The following RNF17 variants were observed in gnomAD, a reference collection of about 807,000 sequenced individuals.
The protein encoded by RNF17 is spermatogenesis associated 23.
In RNF17, 31 loss-of-function variants were observed where a neutral mutation model predicts 200.5. The ratio of observed to expected loss-of-function variants is 0.15; its 90% CI spans 0.12 to 0.21. RNF17 has a LOEUF of 0.21. Among genes scored for constraint, RNF17 ranks in the 10% least tolerant of loss-of-function variants. RNF17 has a pLI of 1.00. For missense variants in RNF17, 1,628 were observed against 1,905.1 expected, an observed-to-expected ratio of 0.85 and a Z score of 2.71; for synonymous variants, 606 against 637.8, an observed-to-expected ratio of 0.95 and a Z score of 0.75.
At chr13:24,846,260 G>A (rs1339729820) in intron 22 of RNF17, among the ~76,000 whole-genome samples, 1 of 152,094 alleles carries the variant, frequency 6.6e-6, no homozygotes, top group Non-Finnish European at 1.5e-5. Context: ...GAGCTAAATC[G>A]AACTAATATG....
At chr13:24,821,914 C>T (rs1407240475) in intron 15 of RNF17, among the ~76,000 whole-genome samples, 1 of 152,072 alleles carries the variant, frequency 6.6e-6, no homozygotes, top group African/African-American at 2.4e-5. Flanking sequence ...GTTAAGGACA[C>T]GGACACACAT....
intron 29 of RNF17, 87 bp from the exon 30 acceptor site, chr13:24,866,057 C>A: frequency 2.8e-6 from 2 of 726,526 alleles, no homozygotes; most frequent in Non-Finnish European, 4.8e-6. Flanking sequence ...CAAGGAAATG[C>A]ACCCAGTTTT....
At chr13:24,807,548 C>G in intron 15 of RNF17, among the ~76,000 whole-genome samples, 1 of 152,086 alleles carries the variant, frequency 6.6e-6, no homozygotes, top group East Asian at 1.9e-4. Context: ...GATACTAGCC[C>G]TTTGTCAGAT....
At chr13:24,796,988 C>T (rs1255862763) in intron 11 of RNF17, among the ~76,000 whole-genome samples, 1 of 152,118 alleles carries the variant, frequency 6.6e-6, no homozygotes, top group Non-Finnish European at 1.5e-5. Context: ...TAACTCTCAG[C>T]TCATCTGTGT....
Position 24,778,304 on chromosome 13 carries a change from T to G in RNF17, c.327T>G (p.Asn109Lys), listed in dbSNP as rs1202055627. The G allele has an allele frequency of 6.2e-7, 1 of 1,600,142 alleles. No individual in the cohort carries two copies. Among genetic ancestry groups the G allele is most frequent in the Non-Finnish European group, 8.6e-7 (1 of 1,168,122 alleles). The change falls in exon 4 of 36, where the codon AAT (asparagine) becomes AAG (lysine). Residue 109 changes from asparagine (N) to lysine (K), a missense_variant. Asn to Lys is a moderately conservative substitution (Grantham distance 94). Around this residue, in one of 5 missense-constraint regions of RNF17, gnomAD observed 502 missense variants for 501.7 expected, o/e 1.00. Coordinates refer to ENST00000255324, the MANE Select transcript of RNF17 (RefSeq NM_031277.3). ...MEKLQPKTIK[N>K]CSQDFKKTAD... ...ACTTGATACTTTTCAGGATAAAGAA[T>G]TGTTCTCAGGACTTTAAGAAGACTG...
intron 17 of RNF17, 88 bp downstream of exon 17, chr13:24,830,687 A>G: frequency 2.1e-6 from 2 of 947,146 alleles, no homozygotes; most frequent in South Asian, 2.9e-5. Flanking sequence ...TAGAAATGTT[A>G]GTGTCCCTTT....
chr13:24,756,149 T>C, the RNF17 span, among the ~76,000 whole-genome samples: 3 of 152,292 alleles, frequency 2.0e-5, no homozygotes, highest in South Asian at 2.1e-4. Context: ...ATACTTTTGA[T>C]TGGTAAAGTC....
intron 18 of RNF17, among the ~76,000 whole-genome samples, chr13:24,840,714 G>T (rs1431565422): frequency 3.3e-5 from 5 of 151,644 alleles, no homozygotes; most frequent in African/African-American, 1.2e-4. Context: ...GGACGCAAAG[G>T]AATGGACTTT....
chr13:24,849,874 T>C (rs1202189886), intron 22 of RNF17, among the ~76,000 whole-genome samples: 1 of 152,202 alleles, frequency 6.6e-6, no homozygotes, highest in African/African-American at 2.4e-5. Context: ...GGAATCATCA[T>C]TACAAAGAGA....
Position 24,870,147 on chromosome 13 carries a change from C to T in RNF17, c.4279-424C>T, listed in dbSNP as rs966518622. Among the ~76,000 whole-genome samples, 7 of 152,032 alleles carry T rather than the reference C, an allele frequency of 4.6e-5. No individual in the cohort carries two copies. The East Asian group carries it at 9.7e-4, about 21-fold the overall frequency. On this transcript the variant is annotated intron_variant, in intron 31 of 35. Coordinates refer to ENST00000255324, the MANE Select transcript of RNF17 (RefSeq NM_031277.3). Reference sequence around the variant, plus strand: ...ATTTTTACTAGAGACGAGGTTTCACCGTGTTAGCCAGGATGGTCTCGATCT... The same window carrying T: ...ATTTTTACTAGAGACGAGGTTTCACTGTGTTAGCCAGGATGGTCTCGATCT...
At chr13:24,754,949 A>T in the RNF17 span, among the ~76,000 whole-genome samples, 1 of 151,190 alleles carries the variant, frequency 6.6e-6, no homozygotes, top group South Asian at 2.1e-4. Context: ...TATATAATTT[A>T]TATAGTTACA....
intron 10 of RNF17, among the ~76,000 whole-genome samples, chr13:24,795,006 A>G (rs1369264585): frequency 6.6e-6 from 1 of 152,212 alleles, no homozygotes; most frequent in Non-Finnish European, 1.5e-5. Flanking sequence ...GGCGTGAGCC[A>G]TCGTGCGCAG....
At chr13:24,855,563 G>A (rs879657453) in intron 25 of RNF17, among the ~76,000 whole-genome samples, 12 of 151,968 alleles carry the variant, frequency 7.9e-5, no homozygotes, top group African/African-American at 2.9e-4. Context: ...GGGAGGCAGA[G>A]GTTGCAGTGA....
intron 18 of RNF17, among the ~76,000 whole-genome samples, chr13:24,840,080 T>C (rs751550059): frequency 1.4e-4 from 21 of 151,834 alleles, no homozygotes; most frequent in Non-Finnish European, 2.9e-4. Context: ...GGATAGACAG[T>C]TCTCAAAAAA....
At position 24,850,492 on chromosome 13, in the gene RNF17, T is replaced by C. The variant is rs751590701; in HGVS notation, c.3204+49T>C. The C allele has an allele frequency of 2.6e-6, 3 of 1,143,174 alleles. No homozygotes were observed. In the African/African-American group the frequency reaches 4.5e-5, roughly 17 times the overall value. 70.8% of individuals were successfully genotyped at this position (1,143,174 alleles called of 1,614,324 possible). On this transcript the variant is annotated intron_variant, in intron 23 of 35. Coordinates refer to ENST00000255324, the MANE Select transcript of RNF17 (RefSeq NM_031277.3). ...GCTGATGATCTCATTAATGTTTCCA[T>C]CGATTCCATTTATTTTCTTTCTTGT...
At chr13:24,828,014 A>C (rs1888937338) in intron 16 of RNF17, among the ~76,000 whole-genome samples, 1 of 152,186 alleles carries the variant, frequency 6.6e-6, no homozygotes, top group Non-Finnish European at 1.5e-5. Context: ...TTCAACATGA[A>C]TTTTGAGACA....
the RNF17 span, chr13:24,885,225 A>T: frequency 8.2e-7 from 1 of 1,220,104 alleles, no homozygotes; most frequent in Non-Finnish European, 1.2e-6. Flanking sequence ...CAACTATTTT[A>T]ACCCATGTTT....
At chr13:24,869,934 ATTTTTTTTT>A (rs34196797) in intron 31 of RNF17, among the ~76,000 whole-genome samples, 7 of 83,754 alleles carry the variant, frequency 8.4e-5, no homozygotes, top group African/African-American at 3.5e-4. Flanking sequence ...TGCCCAGCTA[ATTTTTTTTT>A]TTTTTTTTTT....
At chr13:24,815,718 C>T (rs1484740646) in intron 15 of RNF17, among the ~76,000 whole-genome samples, 1 of 152,090 alleles carries the variant, frequency 6.6e-6, no homozygotes, top group Non-Finnish European at 1.5e-5. Flanking sequence ...TCCCAAATGA[C>T]CTTTACCATG....
Sources: gnomAD v4.1 joint callset for allele counts (sites outside exome capture counted in the v4.1 genomes callset) on GRCh38, gnomAD v4.1.1 for gene constraint, gnomAD v4.1.1 regional missense constraint, MANE v1.5 for transcripts, NCBI Gene and HGNC (gene_info 2026-07-23, HGNC 2026-07-21) for gene names.